LRMDA: variants seen among roughly 807,000 people sequenced by gnomAD.
The protein encoded by LRMDA is leucine-rich melanocyte differentiation-associated protein.
A neutral mutation model predicts 29.8 loss-of-function variants in LRMDA; 18 were observed. That is an observed-to-expected ratio of 0.60 (90% CI 0.42 to 0.90). The LOEUF (loss-of-function observed/expected upper bound fraction) is 0.90. Ranked by LOEUF, LRMDA falls within the 40% of genes least tolerant of loss-of-function variation. The pLI is 0.00. For synonymous variants in LRMDA, 125 were observed against 109.4 expected (o/e 1.14, Z -0.89); for missense variants, 273 against 273.9 (o/e 1.00, Z 0.02).
At chr10:76,385,013 G>C (rs1236246986) in intron 6 of LRMDA, among the ~76,000 whole-genome samples, 1 of 152,176 alleles carries the variant, frequency 6.6e-6, no homozygotes, top group African/African-American at 2.4e-5. Flanking sequence ...ATCAAGTACA[G>C]GCAAAGCTTA....
chr10:76,126,602 C>T (rs1487198717), intron 5 of LRMDA, among the ~76,000 whole-genome samples: 1 of 152,174 alleles, frequency 6.6e-6, no homozygotes, highest in Non-Finnish European at 1.5e-5. Flanking sequence ...GCTTCTGTTT[C>T]TTTTTGTGTT....
At chr10:76,241,750 C>T (rs1163174373) in intron 5 of LRMDA, among the ~76,000 whole-genome samples, 1 of 152,126 alleles carries the variant, frequency 6.6e-6, no homozygotes, top group Non-Finnish European at 1.5e-5. Context: ...CCCCCATCCT[C>T]ACCAGGCTTA....
intron 2 of LRMDA, among the ~76,000 whole-genome samples, chr10:75,480,405 AGGTACTG>A (rs1160617304): frequency 2.0e-5 from 3 of 150,932 alleles, no homozygotes; most frequent in Non-Finnish European, 4.4e-5. Flanking sequence ...GGACACAAAC[AGGTACTG>A]GGTAGTCACT....
intron 2 of LRMDA, among the ~76,000 whole-genome samples, chr10:75,885,832 C>T (rs1045608194): frequency 6.6e-6 from 1 of 152,220 alleles, no homozygotes; most frequent in African/African-American, 2.4e-5. Context: ...CTCAAAAGTG[C>T]TCGCTGAGCT....
At chr10:75,995,493 G>T (rs1469198739) in intron 2 of LRMDA, among the ~76,000 whole-genome samples, 1 of 152,186 alleles carries the variant, frequency 6.6e-6, no homozygotes, top group Admixed American at 6.5e-5. Context: ...GGGAAACTGG[G>T]TTATAAATCT....
intron 5 of LRMDA, among the ~76,000 whole-genome samples, chr10:76,271,026 T>C (rs1016503809): frequency 2.6e-5 from 4 of 152,234 alleles, no homozygotes; most frequent in Non-Finnish European, 5.9e-5. Context: ...TCTTTCCCCC[T>C]GTCCTTTGCC....
At chr10:76,017,462 T>C (rs1403126285) in intron 2 of LRMDA, among the ~76,000 whole-genome samples, 1 of 152,218 alleles carries the variant, frequency 6.6e-6, no homozygotes, top group Non-Finnish European at 1.5e-5. Context: ...GGTGGTACTT[T>C]GCAACAATAG....
chr10:75,740,243 G>C (rs1446163999), intron 2 of LRMDA, among the ~76,000 whole-genome samples: 2 of 152,226 alleles, frequency 1.3e-5, no homozygotes, highest in Non-Finnish European at 2.9e-5. Context: ...GCGATGTTCA[G>C]ACAAATGCTG....
intron 6 of LRMDA, among the ~76,000 whole-genome samples, chr10:76,509,642 A>G (rs116575591): frequency 0.013 from 1,930 of 152,314 alleles, 39 homozygotes; most frequent in African/African-American, 0.044. Context: ...CCCTGCTGGC[A>G]CTGAACAGTG....
chr10:75,433,944 TGGTTTTTAGGAGCTC>T (rs1589143202), intron 1 of LRMDA, among the ~76,000 whole-genome samples: 1 of 152,176 alleles, frequency 6.6e-6, no homozygotes, highest in East Asian at 1.9e-4. Flanking sequence ...GCTGTGGAGC[TGGTTTTTAGGAGCTC>T]CACAGGCCTA....
intron 3 of LRMDA, among the ~76,000 whole-genome samples, chr10:76,038,450 G>A (rs538335290): frequency 3.3e-5 from 5 of 152,306 alleles, no homozygotes; most frequent in African/African-American, 9.6e-5. Flanking sequence ...CTGTGTGGCT[G>A]TAAACCTGAC....
At chr10:76,370,827 TG>T (rs1174555384) in intron 6 of LRMDA, among the ~76,000 whole-genome samples, 1 of 152,044 alleles carries the variant, frequency 6.6e-6, no homozygotes, top group Admixed American at 6.6e-5. Flanking sequence ...TTTGAAAAAT[TG>T]TAGGTCAACC....
chr10:75,754,677 T>C (rs1426553681), intron 2 of LRMDA, among the ~76,000 whole-genome samples: 3 of 152,158 alleles, frequency 2.0e-5, no homozygotes, highest in Non-Finnish European at 4.4e-5. Context: ...ATCTGAAACA[T>C]TTTCAACTCA....
intron 2 of LRMDA, among the ~76,000 whole-genome samples, chr10:75,672,548 CCCCTCCCCTCCCCTCCCCTT>C (rs1564536311): frequency 8.8e-4 from 10 of 11,354 alleles, no homozygotes; most frequent in Non-Finnish European, 1.2e-3. Context: ...CCCCTCCCCT[CCCCTCCCCTCCCCTCCCCTT>C]CCCTTCCCTT....
chr10:75,988,090 G>A (rs1202992193), intron 2 of LRMDA, among the ~76,000 whole-genome samples: 1 of 152,180 alleles, frequency 6.6e-6, no homozygotes, highest in Non-Finnish European at 1.5e-5. Flanking sequence ...GAAGCAGGAG[G>A]CACGATAGCT....
chr10:75,560,523 A>G (rs1474401677), intron 2 of LRMDA, among the ~76,000 whole-genome samples: 1 of 151,672 alleles, frequency 6.6e-6, no homozygotes, highest in Admixed American at 6.6e-5. Flanking sequence ...AATACCCTTT[A>G]TTTGCTTCTC....
intron 5 of LRMDA, among the ~76,000 whole-genome samples, chr10:76,207,998 C>G (rs1851568419): frequency 6.6e-6 from 1 of 152,058 alleles, no homozygotes; most frequent in Non-Finnish European, 1.5e-5. Context: ...GTTCCTGTTC[C>G]CAGTGAGAAG....
intron 3 of LRMDA, among the ~76,000 whole-genome samples, chr10:76,041,745 C>T (rs1848343774): frequency 6.6e-6 from 1 of 152,138 alleles, no homozygotes; most frequent in South Asian, 2.1e-4. Flanking sequence ...TCTCCTTTGG[C>T]AAGCCTCCCC....
At chr10:76,361,786 TTA>T (rs1421927564) in intron 6 of LRMDA, among the ~76,000 whole-genome samples, 1 of 152,176 alleles carries the variant, frequency 6.6e-6, no homozygotes, top group Non-Finnish European at 1.5e-5. Context: ...GTTATGACTA[TTA>T]TATGTTTAGT....
Sources: allele counts gnomAD v4.1 joint callset (sites outside exome capture counted in the v4.1 genomes callset), GRCh38; gene constraint gnomAD v4.1.1; transcripts MANE v1.5; gene names NCBI Gene and HGNC (gene_info 2026-07-23, HGNC 2026-07-21).